The following CD180 variants were observed in gnomAD, a reference collection of about 807,000 sequenced individuals.
CD180 encodes CD180 antigen.
CD180 carries 11 observed loss-of-function variants against 10.7 expected under a neutral mutation model. That is an observed-to-expected ratio of 1.03 (90% CI 0.65 to 1.70). The LOEUF is 1.70. Ranked by LOEUF, CD180 falls within the 40% of genes most tolerant of loss-of-function variation. The probability of loss-of-function intolerance (pLI) is 0.00; values close to 1 mark genes in which losing one functional copy is unlikely to be tolerated. For synonymous variants in CD180, 286 were observed against 294.6 expected, an observed-to-expected ratio of 0.97 and a Z score of 0.30; for missense variants, 729 against 775.2, an observed-to-expected ratio of 0.94 and a Z score of 0.71.
At position 67,183,475 on chromosome 5, in the gene CD180, G is replaced by C. The variant is rs1742104496; in HGVS notation, c.1368C>G (p.Phe456Leu). Residue 456 changes from phenylalanine (F) to leucine (L), a missense_variant, in exon 3 of 3, where the codon TTC (phenylalanine) becomes TTG (leucine). Physicochemically the swap from Phe to Leu is conservative, Grantham distance 22. Coordinates refer to ENST00000256447, the MANE Select transcript of CD180 (RefSeq NM_005582.3). ...GAAGATGCTGATTGCTGGTATCAAG[G>C]AAGCAGTAAGTGAGATTCAGAACCT... ...FLQVLNLTYCFLDTSNQHLLA... is the reference protein window; with the variant it reads ...FLQVLNLTYCLLDTSNQHLLA... 6.2e-7 allele frequency: 1 copy of C among 1,614,212 alleles called. No homozygotes were observed. Among genetic ancestry groups the C allele is most frequent in the East Asian group, 2.2e-5 (1 of 44,884 alleles).
intron 1 of CD180, among the ~76,000 whole-genome samples, chr5:67,192,103 C>A (rs1167299412): frequency 2.0e-5 from 3 of 151,964 alleles, no homozygotes; most frequent in African/African-American, 7.3e-5. Flanking sequence ...AAATTAAGAA[C>A]TTTGGGGCCG....
At chr5:67,193,285 A>AAAGGAAAG in intron 1 of CD180, among the ~76,000 whole-genome samples, 2 of 152,368 alleles carry the variant, frequency 1.3e-5, no homozygotes, top group South Asian at 4.1e-4. Flanking sequence ...AGAAAAGAGG[A>AAAGGAAAG]AAGGAAAGCA....
chr5:67,182,336 A>G lies in CD180; in HGVS notation c.*521T>C, dbSNP rs956211389. The G allele has an allele frequency of 6.6e-6, 1 of 152,330 alleles. No individual in the cohort carries two copies. The highest frequency in any genetic ancestry group is 1.5e-5 in the Non-Finnish European group (1 of 68,114). 9.4% of individuals were successfully genotyped at this position (152,330 alleles called of 1,614,324 possible). A position where few individuals can be genotyped will look rare whatever the true frequency, so the allele number is the denominator to read the frequency against. On this transcript the variant is annotated 3_prime_UTR_variant, in exon 3 of 3. Transcript: ENST00000256447. ...CTTTTCTTTTCTTTTTTCATTTAAAATAAGGATTGAGACTTTGTCCCCAAG... is the reference window on the plus strand; with the variant it reads ...CTTTTCTTTTCTTTTTTCATTTAAAGTAAGGATTGAGACTTTGTCCCCAAG...
chr5:67,195,878 T>G (rs950619885), intron 1 of CD180, among the ~76,000 whole-genome samples: 1 of 152,158 alleles, frequency 6.6e-6, no homozygotes, highest in Middle Eastern at 3.4e-3. Context: ...ACTTGTGGGG[T>G]CAGAGAAAGT....
chr5:67,186,053 T>G (rs755587612), intron 1 of CD180, 36 bp from the exon 2 acceptor site: 2 of 1,347,998 alleles, frequency 1.5e-6, no homozygotes, highest in Non-Finnish European at 2.0e-6. Context: ...ATATTAGACT[T>G]AATAATTTTA....
intron 1 of CD180, among the ~76,000 whole-genome samples, chr5:67,187,537 G>A (rs1364052277): frequency 3.9e-5 from 6 of 152,170 alleles, no homozygotes; most frequent in Non-Finnish European, 8.8e-5. Context: ...CCTAATACAA[G>A]TTATGTGTTG....
In CD180 at chr5:67,183,090, T is replaced by G; in HGVS notation, c.1753A>C (p.Asn585His). 6.2e-7 allele frequency: 1 copy of G among 1,611,826 alleles called. No individual in the cohort carries two copies. Among genetic ancestry groups the G allele is most frequent in the East Asian group, 2.2e-5 (1 of 44,822 alleles). ...TTGTACCATGTTAAGAAATGAATAT[T>G]CGAGCAAGTGCAGTCCAGGGGGTTA... The part of the protein sequence containing the change: ...SHNPLDCTCS[N>H]IHFLTWYKEN... The change falls in exon 3 of 3, where the codon AAT (asparagine) becomes CAT (histidine). Residue 585 changes from asparagine (N) to histidine (H), a missense_variant. Coordinates refer to ENST00000256447, the MANE Select transcript of CD180 (RefSeq NM_005582.3).
Position 67,183,525 on chromosome 5 carries a change from G to A in CD180, c.1318C>T (p.Pro440Ser). Residue 440 changes from proline to serine, a missense_variant, in exon 3 of 3, where the codon CCC (proline) becomes TCC (serine). Physicochemically the swap from Pro to Ser is moderately conservative, Grantham distance 74. Coordinates refer to ENST00000256447, the MANE Select transcript of CD180 (RefSeq NM_005582.3). ...TRLHINAPQS[P>S]FQNLHFLQVL... ...TGAAGGAAATGGAGGTTTTGGAAGG[G>A]ACTTTGTGGAGCATTAATGTGTAAG... is the stretch of plus-strand genomic sequence containing the variant. 1 of 1,614,218 alleles carries A rather than the reference G, an allele frequency of 6.2e-7. No homozygotes were observed. The highest frequency in any genetic ancestry group is 2.2e-5 in the East Asian group (1 of 44,892).
In CD180 at chr5:67,183,262, T is replaced by G. The variant is rs1742096060; in HGVS notation, c.1581A>C (p.Leu527Phe). The change falls in exon 3 of 3, where the codon TTA becomes TTC. Residue 527 changes from leucine to phenylalanine, a missense_variant. Coordinates refer to ENST00000256447, the MANE Select transcript of CD180 (RefSeq NM_005582.3). ...TGTCGCATGTCAGGCTGTTGTGGCT[T>G]AAGTCTACATGGCTCATTTTTCCCA... ...HSLGKMSHVD[L>F]SHNSLTCDSI... The G allele has an allele frequency of 1.2e-6, 2 of 1,614,168 alleles. No individual in the cohort carries two copies. Among genetic ancestry groups the G allele is most frequent in the African/African-American group, 2.7e-5 (2 of 75,050 alleles).
chr5:67,179,718 T>C lies in CD180; in HGVS notation c.*3139A>G, dbSNP rs1742001875. 2 of 152,248 alleles carry C rather than the reference T, an allele frequency of 1.3e-5. 1 individual carries two copies. Among genetic ancestry groups the C allele is most frequent in the Admixed American group, 1.3e-4 (2 of 15,284 alleles). 9.4% of individuals were successfully genotyped at this position (152,248 alleles called of 1,614,324 possible). Reference sequence around the variant, plus strand: ...TTTCTGTCTTGGAATTTTACAGATATTGCCTGTGTTCAAGGGCTGTGCTGT... The same window carrying C: ...TTTCTGTCTTGGAATTTTACAGATACTGCCTGTGTTCAAGGGCTGTGCTGT... On this transcript the variant is annotated 3_prime_UTR_variant, in exon 3 of 3. Coordinates refer to ENST00000256447, the MANE Select transcript of CD180 (RefSeq NM_005582.3).
In CD180 at chr5:67,183,576, C is replaced by G. The variant is rs943218625; in HGVS notation, c.1267G>C (p.Glu423Gln). 6.2e-7 allele frequency: 1 copy of G among 1,614,166 alleles called. No individual in the cohort carries two copies. Among genetic ancestry groups the G allele is most frequent in the Non-Finnish European group, 8.5e-7 (1 of 1,180,022 alleles). ...SQAFKECPQL[E>Q]LLDLAFTRLH... The stretch of plus-strand genomic sequence containing the variant: ...CGGGTAAATGCCAAATCGAGGAGTT[C>G]TAGCTGAGGACATTCTTTGAATGCC... The change falls in exon 3 of 3, where the codon GAA becomes CAA. Residue 423 changes from glutamate to glutamine, a missense_variant. Coordinates refer to ENST00000256447, the MANE Select transcript of CD180 (RefSeq NM_005582.3).
chr5:67,182,204 C>G lies in CD180; in HGVS notation c.*653G>C, dbSNP rs1258880052. On this transcript the variant is annotated 3_prime_UTR_variant, in exon 3 of 3. Coordinates refer to ENST00000256447, the MANE Select transcript of CD180 (RefSeq NM_005582.3). ...GTTCTATTTTTTATAGCCATTCACA[C>G]CCTAGGGGCATTACAGAGACCTTAC... is the stretch of plus-strand genomic sequence containing the variant. 6.6e-6 allele frequency: 1 copy of G among 152,148 alleles called. No homozygotes were observed. Among genetic ancestry groups the G allele is most frequent in the Non-Finnish European group, 1.5e-5 (1 of 68,050 alleles). 9.4% of individuals were successfully genotyped at this position (152,148 alleles called of 1,614,324 possible). A position where few individuals can be genotyped will look rare whatever the true frequency, so the allele number is the denominator to read the frequency against.
intron 1 of CD180, among the ~76,000 whole-genome samples, chr5:67,189,435 G>A (rs1282438816): frequency 2.0e-5 from 3 of 152,230 alleles, no homozygotes; most frequent in Non-Finnish European, 4.4e-5. Context: ...ACGCTACCAA[G>A]AGGATCAAGG....
At chr5:67,192,340 T>A (rs1471471444) in intron 1 of CD180, among the ~76,000 whole-genome samples, 1 of 151,870 alleles carries the variant, frequency 6.6e-6, no homozygotes, top group Non-Finnish European at 1.5e-5. Flanking sequence ...TGAGCTGAGG[T>A]CACGCCACTG....
chr5:67,193,009 G>A (rs1196532598), intron 1 of CD180, among the ~76,000 whole-genome samples: 1 of 152,224 alleles, frequency 6.6e-6, no homozygotes, highest in African/African-American at 2.4e-5. Context: ...TCCTTCTGCT[G>A]CGTAAATGAA....
rs369289821 is a variant in CD180, at chr5:67,185,884, C to G, written c.224G>C (p.Arg75Thr). 54 of 1,606,948 alleles carry G rather than the reference C, an allele frequency of 3.4e-5. No individual in the cohort carries two copies. Among genetic ancestry groups the G allele is most frequent in the African/African-American group, 2.4e-4 (18 of 74,664 alleles). Reference sequence around the variant, plus strand: ...ATCCAAAAAGGTAAGATTCATGAGTCTGCTGAAGGTTCTATTGTGAATTGT... The same window carrying G: ...ATCCAAAAAGGTAAGATTCATGAGTGTGCTGAAGGTTCTATTGTGAATTGT... ...LPTIHNRTFS[R>T]LMNLTFLDLT... is the part of the protein sequence containing the mutation. Residue 75 changes from arginine to threonine, a missense_variant, in exon 2 of 3, where the codon AGA becomes ACA. Arg to Thr is a moderately conservative substitution (Grantham distance 71). Coordinates refer to ENST00000256447, the MANE Select transcript of CD180 (RefSeq NM_005582.3).
In CD180 at chr5:67,184,466, G is replaced by A; in HGVS notation, c.377C>T (p.Ser126Leu). Residue 126 changes from serine (S) to leucine (L), a missense_variant, in exon 3 of 3, where the codon TCA becomes TTA. Coordinates refer to ENST00000256447, the MANE Select transcript of CD180 (RefSeq NM_005582.3). ...MAETSLNGPK[S>L]LKHLFLIQTG... ...TTGGATTAAGAAAAGATGCTTCAGT[G>A]ACTTGGGCCCATTAAGCGATGTTTC... The A allele has an allele frequency of 6.2e-7, 1 of 1,614,186 alleles. No homozygotes were observed.
rs890090671 is a variant in CD180, at chr5:67,182,615, G to A, written c.*242C>T. The A allele has an allele frequency of 1.2e-5, 4 of 347,412 alleles. No homozygotes were observed. Among genetic ancestry groups the A allele is most frequent in the Admixed American group, 8.9e-5 (2 of 22,484 alleles). The allele number at this position is 347,412 out of a possible 1,614,324, so 21.5% of individuals were successfully genotyped here. A position where few individuals can be genotyped will look rare whatever the true frequency, so the allele number is the denominator to read the frequency against. Reference sequence around the variant, plus strand: ...CTCCCACTCTTCCACATGCGGAAAGGGCTCTGTGCCTCTCACAGCAGCATC... The same window carrying A: ...CTCCCACTCTTCCACATGCGGAAAGAGCTCTGTGCCTCTCACAGCAGCATC... On this transcript the variant is annotated 3_prime_UTR_variant, in exon 3 of 3. Coordinates refer to ENST00000256447, the MANE Select transcript of CD180 (RefSeq NM_005582.3).
chr5:67,196,122 C>T (rs945080395), intron 1 of CD180, among the ~76,000 whole-genome samples: 8 of 152,176 alleles, frequency 5.3e-5, no homozygotes, highest in South Asian at 4.1e-4. Context: ...CTTTTCAATG[C>T]TCGAAAACCT....
Sources: allele counts gnomAD v4.1 joint callset (sites outside exome capture counted in the v4.1 genomes callset), GRCh38; gene constraint gnomAD v4.1.1; transcripts MANE v1.5; gene names NCBI Gene and HGNC (gene_info 2026-07-23, HGNC 2026-07-21).